The following LRRTM3 variants were observed in gnomAD, a reference collection of about 807,000 sequenced individuals.
The protein encoded by LRRTM3 is leucine-rich repeat transmembrane neuronal protein 3.
In LRRTM3, 24 loss-of-function variants were observed where a neutral mutation model predicts 44.7. That is an observed-to-expected ratio of 0.54 (90% CI 0.39 to 0.76). The LOEUF is 0.76. Among genes scored for constraint, LRRTM3 ranks in the 30% least tolerant of loss-of-function variants. The pLI, the probability that LRRTM3 is intolerant of heterozygous loss-of-function variation, is 0.00. For synonymous variants in LRRTM3, 277 were observed against 278.7 expected, an observed-to-expected ratio of 0.99 and a Z score of 0.06; for missense variants, 587 against 702.2, an observed-to-expected ratio of 0.84 and a Z score of 1.85.
chr10:67,074,236 T>TGGCCA (rs1407607741), intron 2 of LRRTM3, among the ~76,000 whole-genome samples: 1 of 151,806 alleles, frequency 6.6e-6, no homozygotes, highest in East Asian at 1.9e-4. Flanking sequence ...TTTCACCATT[T>TGGCCA]GGCCAGGATG....
At chr10:67,095,170 C>T (rs570695080) in intron 2 of LRRTM3, among the ~76,000 whole-genome samples, 3 of 151,648 alleles carry the variant, frequency 2.0e-5, no homozygotes, top group East Asian at 3.9e-4. Context: ...ATGCTGTATT[C>T]AGATATGGCT....
At position 66,982,465 on chromosome 10, in the gene LRRTM3, G is replaced by A. The variant is rs115038775; in HGVS notation, c.1536+54013G>A. Among the ~76,000 whole-genome samples, 888 of 152,234 alleles carry A rather than the reference G, an allele frequency of 5.8e-3. 11 individuals are homozygous for A. The highest frequency in any genetic ancestry group is 0.02 in the African/African-American group (849 of 41,546). ...ACACTTCTTGAGAAGATAATTTGAT[G>A]TAAAGCACCCAGGACAATGTTTGGT... On this transcript the variant is annotated intron_variant, in intron 2 of 2. Transcript: ENST00000361320.
chr10:66,947,345 A>G (rs1056776922), intron 2 of LRRTM3, among the ~76,000 whole-genome samples: 1 of 152,108 alleles, frequency 6.6e-6, no homozygotes, highest in Admixed American at 6.6e-5. Flanking sequence ...GAGCTATCAC[A>G]CTCAATGCTG....
intron 2 of LRRTM3, among the ~76,000 whole-genome samples, chr10:66,981,904 A>G (rs1850463282): frequency 6.6e-6 from 1 of 152,188 alleles, no homozygotes; most frequent in South Asian, 2.1e-4. Flanking sequence ...CATCAAAAGA[A>G]CAAAGAGAAA....
At position 67,101,311 on chromosome 10, in the gene LRRTM3, C is replaced by T. The variant is rs529705699; in HGVS notation, c.*3515C>T. On this transcript the variant is annotated 3_prime_UTR_variant, in exon 3 of 3. Coordinates refer to ENST00000361320, the MANE Select transcript of LRRTM3 (RefSeq NM_178011.5). ...TACAGGGTTGAACACATGTTCAACA[C>T]TTTGTCAACTGAACACATGTTCAAT... Among the ~76,000 whole-genome samples the T allele has an allele frequency of 5.3e-4, 81 of 151,762 alleles. No individual in the cohort carries two copies. The highest frequency in any genetic ancestry group is 6.8e-3 in the Middle Eastern group (2 of 294).
At chr10:67,031,312 A>G (rs961178583) in intron 2 of LRRTM3, among the ~76,000 whole-genome samples, 1 of 152,196 alleles carries the variant, frequency 6.6e-6, no homozygotes, top group Non-Finnish European at 1.5e-5. Flanking sequence ...GTAACAGAGA[A>G]GGGAAAAAAT....
chr10:66,927,673 A>G lies in LRRTM3; in HGVS notation c.757A>G (p.Ser253Gly), dbSNP rs1847151445. The change falls in exon 2 of 3, where the codon AGC becomes GGC. Residue 253 changes from serine to glycine, a missense_variant. This residue lies in a region of LRRTM3 where 222 missense variants were observed against 323.3 expected (regional missense o/e 0.69). Coordinates refer to ENST00000361320, the MANE Select transcript of LRRTM3 (RefSeq NM_178011.5). This position sits in a 1 kb window ranked among gnomAD's most constrained non-coding sequence, Gnocchi z 4.7. Reference sequence around the variant, plus strand: ...AGGACAGACCATGTCCTGGACCTGGAGCTCCTTACAAAGGCTTGATTTATC... The same window carrying G: ...AGGACAGACCATGTCCTGGACCTGGGGCTCCTTACAAAGGCTTGATTTATC... ...VIGQTMSWTW[S>G]SLQRLDLSGN... The G allele has an allele frequency of 6.2e-7, 1 of 1,614,024 alleles. No individual in the cohort carries two copies. Among genetic ancestry groups the G allele is most frequent in the African/African-American group, 1.3e-5 (1 of 74,892 alleles).
chr10:66,984,104 T>C lies in LRRTM3; in HGVS notation c.1536+55652T>C, dbSNP rs1377113930. The stretch of plus-strand genomic sequence containing the variant: ...TGTTCATTCCATCAGTAAATAGTTA[T>C]TGAGCACCTAACACATGCCAGGTAC... On this transcript the variant is annotated intron_variant, in intron 2 of 2. Coordinates refer to ENST00000361320, the MANE Select transcript of LRRTM3 (RefSeq NM_178011.5). Among the ~76,000 whole-genome samples, 3 of 152,180 alleles carry C rather than the reference T, an allele frequency of 2.0e-5. No homozygotes were observed. In the East Asian group the frequency reaches 5.8e-4, roughly 29 times the overall value.
intron 2 of LRRTM3, 21 bp from the exon 3 acceptor site, chr10:67,097,566 T>C (rs771974446): frequency 4.4e-6 from 7 of 1,606,220 alleles, no homozygotes; most frequent in Non-Finnish European, 6.0e-6. Flanking sequence ...AACTGACTTT[T>C]CTCATGTCAT....
chr10:67,055,612 A>G (rs775212687), intron 2 of LRRTM3, among the ~76,000 whole-genome samples: 3 of 152,190 alleles, frequency 2.0e-5, no homozygotes, highest in Non-Finnish European at 2.9e-5. Context: ...TCAACACAAT[A>G]TTTTGAAGGC....
At chr10:67,020,578 T>A (rs1254818075) in intron 2 of LRRTM3, among the ~76,000 whole-genome samples, 2 of 152,200 alleles carry the variant, frequency 1.3e-5, no homozygotes, top group Non-Finnish European at 1.5e-5. Flanking sequence ...TTTTGTTATG[T>A]CTTATCCACT....
rs1421552644 is a variant in LRRTM3 at position 67,099,537 on chromosome 10, AGTTTTATGCAG to A, written c.*1746_*1756del. On this transcript the variant is annotated 3_prime_UTR_variant, in exon 3 of 3. Coordinates refer to ENST00000361320, the MANE Select transcript of LRRTM3 (RefSeq NM_178011.5). The stretch of plus-strand genomic sequence containing the variant: ...CAAAGAAGTTATATCTATAAAATCT[AGTTTTATGCAG>A]GTTTGTCACAGCAAATGTAAAAGCG... The A allele has an allele frequency of 6.6e-6, 1 of 152,266 alleles. No individual in the cohort carries two copies. The highest frequency in any genetic ancestry group is 2.4e-5 in the African/African-American group (1 of 41,422). 9.4% of individuals were successfully genotyped at this position (152,266 alleles called of 1,614,324 possible). A position where few individuals can be genotyped will look rare whatever the true frequency, so the allele number is the denominator to read the frequency against.
chr10:67,085,957 T>G (rs12764057), intron 2 of LRRTM3, among the ~76,000 whole-genome samples: 53,567 of 151,728 alleles, frequency 0.35, 9,803 homozygotes, highest in Middle Eastern at 0.53. Context: ...AGAAGATCTT[T>G]CCCTCCACTC....
intron 2 of LRRTM3, among the ~76,000 whole-genome samples, chr10:66,950,157 T>C (rs1257579340): frequency 6.6e-6 from 1 of 152,182 alleles, no homozygotes; most frequent in Non-Finnish European, 1.5e-5. Flanking sequence ...TTTTGACAAA[T>C]TATATTTTAT....
intron 2 of LRRTM3, among the ~76,000 whole-genome samples, chr10:66,959,703 G>A (rs1849013461): frequency 6.6e-6 from 1 of 152,148 alleles, no homozygotes; most frequent in African/African-American, 2.4e-5. Flanking sequence ...GTCCCTCATT[G>A]CAATCTCTAA....
intron 2 of LRRTM3, among the ~76,000 whole-genome samples, chr10:66,993,855 A>G (rs1033905180): frequency 1.3e-5 from 2 of 152,126 alleles, no homozygotes; most frequent in African/African-American, 2.4e-5. Context: ...TCTAAGCTTT[A>G]TAATTTCTTC....
intron 2 of LRRTM3, among the ~76,000 whole-genome samples, chr10:66,945,553 T>C (rs1476427842): frequency 6.6e-6 from 1 of 152,174 alleles, no homozygotes; most frequent in African/African-American, 2.4e-5. Context: ...AATAAGTCTG[T>C]TTTGGTTTCT....
intron 2 of LRRTM3, among the ~76,000 whole-genome samples, chr10:67,057,217 A>C (rs1451809589): frequency 6.6e-6 from 1 of 152,156 alleles, no homozygotes; most frequent in Non-Finnish European, 1.5e-5. Context: ...TATACATATA[A>C]ATTGTGAAAT....
intron 2 of LRRTM3, among the ~76,000 whole-genome samples, chr10:66,985,038 C>A (rs752753475): frequency 6.6e-6 from 1 of 152,110 alleles, no homozygotes; most frequent in African/African-American, 2.4e-5. Flanking sequence ...CAGAGCTCAT[C>A]CCTGCCTTTG....
Sources: gnomAD v4.1 joint callset for allele counts (sites outside exome capture counted in the v4.1 genomes callset) on GRCh38, gnomAD v4.1.1 for gene constraint, gnomAD v4.1.1 regional missense constraint, Gnocchi (gnomAD v3.1) non-coding constraint, MANE v1.5 for transcripts, NCBI Gene and HGNC (gene_info 2026-07-23, HGNC 2026-07-21) for gene names.